The following NCAM2 variants were observed in gnomAD, a reference collection of about 807,000 sequenced individuals.
NCAM2 encodes N-CAM-2.
NCAM2 carries 30 observed loss-of-function variants against 98.1 expected under a neutral mutation model. The ratio of observed to expected loss-of-function variants is 0.31; its 90% confidence interval spans 0.23 to 0.41. The LOEUF is 0.41. Among genes scored for constraint, NCAM2 ranks in the 10% least tolerant of loss-of-function variants. The pLI is 1.00. For missense variants in NCAM2, 867 were observed against 1,005.8 expected (o/e 0.86, Z 1.87); for synonymous variants, 368 against 342.4 (o/e 1.07, Z -0.83).
chr21:21,495,906 G>A (rs1028736354), intron 15 of NCAM2, among the ~76,000 whole-genome samples: 4 of 150,876 alleles, frequency 2.7e-5, no homozygotes, highest in African/African-American at 7.3e-5. Flanking sequence ...TTTTTGCCAA[G>A]AGGTAAACAA....
chr21:21,002,441 A>G (rs1160552271), intron 1 of NCAM2, among the ~76,000 whole-genome samples: 2 of 152,154 alleles, frequency 1.3e-5, no homozygotes, highest in Non-Finnish European at 2.9e-5. Flanking sequence ...AAATAGGACT[A>G]GTTTGCAATG....
chr21:21,401,155 T>C (rs1383921434), intron 9 of NCAM2, among the ~76,000 whole-genome samples: 1 of 152,204 alleles, frequency 6.6e-6, no homozygotes, highest in Non-Finnish European at 1.5e-5. Context: ...ACAAATTTTA[T>C]TTTGTTTTCA....
intron 8 of NCAM2, among the ~76,000 whole-genome samples, chr21:21,342,792 A>G (rs573628230): frequency 1.3e-5 from 2 of 152,326 alleles, no homozygotes; most frequent in East Asian, 1.9e-4. Flanking sequence ...TGTTAAGGCC[A>G]TCTTTGGAAA....
intron 5 of NCAM2, among the ~76,000 whole-genome samples, chr21:21,308,662 A>C (rs1462490013): frequency 6.6e-6 from 1 of 152,068 alleles, no homozygotes; most frequent in Non-Finnish European, 1.5e-5. Flanking sequence ...ATTTTTAACA[A>C]ATTTAGAAAA....
intron 8 of NCAM2, among the ~76,000 whole-genome samples, chr21:21,352,178 A>T (rs1453077520): frequency 2.6e-5 from 4 of 151,942 alleles, no homozygotes; most frequent in Admixed American, 2.0e-4. Flanking sequence ...GCATCCTCCC[A>T]CCTCAGCCTC....
intron 16 of NCAM2, 67 bp from the exon 17 acceptor site, chr21:21,534,470 C>G (rs903437155): frequency 7.6e-7 from 1 of 1,310,208 alleles, no homozygotes; most frequent in East Asian, 2.6e-5. Context: ...ATTTTAAACT[C>G]TGTTTTTTTC....
intron 1 of NCAM2, among the ~76,000 whole-genome samples, chr21:21,213,914 C>T (rs1242846123): frequency 6.6e-6 from 1 of 152,112 alleles, no homozygotes; most frequent in African/African-American, 2.4e-5. Flanking sequence ...TTTTGATCAA[C>T]TCAGATCAAC....
At chr21:21,387,476 A>G (rs2145810564) in intron 9 of NCAM2, among the ~76,000 whole-genome samples, 1 of 151,912 alleles carries the variant, frequency 6.6e-6, no homozygotes, top group Admixed American at 6.6e-5. Context: ...ACAGCAAGTC[A>G]TCTGCCACAA....
intron 1 of NCAM2, among the ~76,000 whole-genome samples, chr21:21,088,911 G>T (rs1054080752): frequency 6.6e-6 from 1 of 151,604 alleles, no homozygotes; most frequent in African/African-American, 2.4e-5. Context: ...GGCGGAGCTT[G>T]CAGTGAGCTA....
At chr21:21,514,472 C>A (rs370515877) in intron 16 of NCAM2, among the ~76,000 whole-genome samples, 63 of 127,728 alleles carry the variant, frequency 4.9e-4, no homozygotes, top group Non-Finnish European at 7.1e-4. Flanking sequence ...TCTCAAAAAA[C>A]AAAAAAAAAA....
At chr21:21,365,299 A>G (rs1028189633) in intron 8 of NCAM2, among the ~76,000 whole-genome samples, 1 of 150,602 alleles carries the variant, frequency 6.6e-6, no homozygotes, top group African/African-American at 2.4e-5. Flanking sequence ...CTTGGAAAGA[A>G]TCATTGGAAT....
intron 16 of NCAM2, among the ~76,000 whole-genome samples, chr21:21,509,426 G>A (rs747645333): frequency 6.6e-6 from 1 of 152,134 alleles, no homozygotes; most frequent in Non-Finnish European, 1.5e-5. Context: ...ACAATAATCT[G>A]AGCTAAAAAC....
At chr21:21,281,563 T>C (rs1220973964) in intron 2 of NCAM2, among the ~76,000 whole-genome samples, 1 of 152,112 alleles carries the variant, frequency 6.6e-6, no homozygotes, top group Non-Finnish European at 1.5e-5. Flanking sequence ...ATTTAAATAT[T>C]TCAGCATCAA....
Position 21,280,653 on chromosome 21 carries a change from G to A in NCAM2, c.130+1G>A. On this transcript the variant is annotated splice_donor_variant, in intron 2 of 17. Transcript: ENST00000400546. LOFTEE classifies it high-confidence loss of function. The stretch of plus-strand genomic sequence containing the variant: ...GAATCTAAATTCTTCACATGTACAG[G>A]TACGTATTTCTGTAAATACCTTCAG... 1 of 1,538,408 alleles carries A rather than the reference G, an allele frequency of 6.5e-7. No individual in the cohort carries two copies. The highest frequency in any genetic ancestry group is 8.8e-7 in the Non-Finnish European group (1 of 1,135,758).
intron 1 of NCAM2, among the ~76,000 whole-genome samples, chr21:21,152,887 C>T (rs1464546685): frequency 6.6e-6 from 1 of 151,952 alleles, no homozygotes; most frequent in African/African-American, 2.4e-5. Flanking sequence ...AATAATCTGA[C>T]ATAAACTTTA....
intron 16 of NCAM2, among the ~76,000 whole-genome samples, chr21:21,532,668 A>G (rs1989772056): frequency 1.3e-5 from 2 of 152,154 alleles, no homozygotes; most frequent in Admixed American, 1.3e-4. Context: ...TTTTCTTGCT[A>G]AGAATCATCA....
chr21:21,132,849 A>T (rs2066964426), intron 1 of NCAM2, among the ~76,000 whole-genome samples: 1 of 152,230 alleles, frequency 6.6e-6, no homozygotes, highest in Admixed American at 6.5e-5. Flanking sequence ...ACAAGGCAAG[A>T]ATAGAACCCA....
At chr21:21,181,968 G>A (rs914021032) in intron 1 of NCAM2, among the ~76,000 whole-genome samples, 4 of 151,248 alleles carry the variant, frequency 2.6e-5, no homozygotes, top group South Asian at 4.2e-4. Context: ...TGAGGTGGGA[G>A]GATTGCTTGA....
At chr21:21,059,001 C>T (rs2065269204) in intron 1 of NCAM2, among the ~76,000 whole-genome samples, 1 of 152,036 alleles carries the variant, frequency 6.6e-6, no homozygotes, top group South Asian at 2.1e-4. Flanking sequence ...CCAGATATTT[C>T]CTTGACTGCA....
Sources: allele counts gnomAD v4.1 joint callset (sites outside exome capture counted in the v4.1 genomes callset), GRCh38; gene constraint gnomAD v4.1.1; transcripts MANE v1.5; gene names NCBI Gene and HGNC (gene_info 2026-07-23, HGNC 2026-07-21).